Variants in SCHIP1 observed in about 807,000 individuals in gnomAD.
SCHIP1 encodes the protein schwannomin-interacting protein 1.
Under a neutral mutation model 29.7 loss-of-function variants are expected in SCHIP1, and 8 were observed. That is an observed-to-expected ratio of 0.27 (90% CI 0.16 to 0.49). SCHIP1 has a LOEUF of 0.49. SCHIP1 is among the 20% of genes least tolerant of loss of function. SCHIP1 has a pLI of 0.99. For synonymous variants in SCHIP1, 76 were observed against 94.9 expected, an observed-to-expected ratio of 0.80 and a Z score of 1.16; for missense variants, 193 against 294.6, an observed-to-expected ratio of 0.66 and a Z score of 2.52.
the SCHIP1 span, among the ~76,000 whole-genome samples, chr3:159,555,987 A>G: frequency 6.6e-6 from 1 of 152,216 alleles, no homozygotes; most frequent in South Asian, 2.1e-4. Flanking sequence ...TGATGGGTGC[A>G]GCAAACCACA....
the SCHIP1 span, among the ~76,000 whole-genome samples, chr3:159,582,159 G>A: frequency 6.6e-6 from 1 of 151,644 alleles, no homozygotes; most frequent in Admixed American, 6.6e-5. Flanking sequence ...GTTTGTTGTT[G>A]GGTTTTTTTG....
the SCHIP1 span, among the ~76,000 whole-genome samples, chr3:159,495,850 A>G: frequency 6.6e-6 from 1 of 152,224 alleles, no homozygotes; most frequent in African/African-American, 2.4e-5. Flanking sequence ...CTGACTTCAA[A>G]CTATACTACA....
chr3:159,835,897 G>GA (rs71664476), upstream of SCHIP1, among the ~76,000 whole-genome samples: 1,300 of 151,676 alleles, frequency 8.6e-3, 24 homozygotes, highest in African/African-American at 0.029. Flanking sequence ...TGCCACAATT[G>GA]AAAAAAAATG....
At chr3:159,473,104 A>G in the SCHIP1 span, among the ~76,000 whole-genome samples, 1 of 152,222 alleles carries the variant, frequency 6.6e-6, no homozygotes, top group Non-Finnish European at 1.5e-5. Flanking sequence ...CCAGATCCAT[A>G]TGAAACAGTT....
the SCHIP1 span, among the ~76,000 whole-genome samples, chr3:159,564,381 A>ATT: frequency 2.3e-4 from 33 of 145,702 alleles, no homozygotes; most frequent in African/African-American, 7.7e-4. Flanking sequence ...CGTTATCTTG[A>ATT]TTTTTTTTTT....
intron 2 of SCHIP1, among the ~76,000 whole-genome samples, chr3:159,875,489 G>A (rs1715707230): frequency 6.6e-6 from 1 of 152,178 alleles, no homozygotes; most frequent in South Asian, 2.1e-4. Flanking sequence ...ACAGCTGAAT[G>A]TTTAATTAAA....
the SCHIP1 span, among the ~76,000 whole-genome samples, chr3:159,390,422 T>C: frequency 1.3e-5 from 2 of 152,220 alleles, no homozygotes; most frequent in African/African-American, 4.8e-5. Flanking sequence ...CTGTTATACA[T>C]GAAAACAAGA....
At chr3:159,846,302 C>A (rs1337542256) in intron 1 of SCHIP1, among the ~76,000 whole-genome samples, 3 of 152,114 alleles carry the variant, frequency 2.0e-5, no homozygotes, top group Admixed American at 6.5e-5. Context: ...ATAAAAGACA[C>A]CCTGTGTTGC....
At chr3:159,408,899 G>T in the SCHIP1 span, among the ~76,000 whole-genome samples, 1 of 152,076 alleles carries the variant, frequency 6.6e-6, no homozygotes, top group Admixed American at 6.5e-5. Flanking sequence ...CACAATCCTA[G>T]CAAACCAAAT....
At chr3:159,313,167 A>G in the SCHIP1 span, among the ~76,000 whole-genome samples, 1 of 152,342 alleles carries the variant, frequency 6.6e-6, no homozygotes, top group East Asian at 1.9e-4. Flanking sequence ...AAGCTTCTTT[A>G]TCAGTGATTT....
chr3:159,421,193 T>C, the SCHIP1 span, among the ~76,000 whole-genome samples: 3 of 152,220 alleles, frequency 2.0e-5, no homozygotes, highest in African/African-American at 7.2e-5. Flanking sequence ...CCTTTTGATA[T>C]ACTATATAAT....
the SCHIP1 span, among the ~76,000 whole-genome samples, chr3:159,385,729 G>C: frequency 1.3e-5 from 2 of 152,090 alleles, no homozygotes; most frequent in African/African-American, 2.4e-5. Context: ...TATACTTTAA[G>C]TTCTGGGATA....
At chr3:159,742,789 T>C in the SCHIP1 span, among the ~76,000 whole-genome samples, 2 of 151,656 alleles carry the variant, frequency 1.3e-5, no homozygotes, top group Non-Finnish European at 2.9e-5. Context: ...TGCCTCAGCC[T>C]TCCAAGTAGC....
At chr3:159,610,001 C>T in the SCHIP1 span, among the ~76,000 whole-genome samples, 2 of 152,268 alleles carry the variant, frequency 1.3e-5, no homozygotes, top group Admixed American at 6.5e-5. Context: ...ATGCCACATA[C>T]TATACTAAGC....
At chr3:159,808,995 T>TTC in the SCHIP1 span, among the ~76,000 whole-genome samples, 6 of 150,798 alleles carry the variant, frequency 4.0e-5, no homozygotes, top group Admixed American at 2.6e-4. Flanking sequence ...CTTTTTTTTT[T>TTC]TTTTATTATA....
chr3:159,605,137 T>C, the SCHIP1 span, among the ~76,000 whole-genome samples: 7 of 152,226 alleles, frequency 4.6e-5, no homozygotes, highest in Admixed American at 4.6e-4. Flanking sequence ...TAGATGAGGC[T>C]GAAACCTGTA....
At chr3:159,773,286 T>C in the SCHIP1 span, among the ~76,000 whole-genome samples, 1 of 152,178 alleles carries the variant, frequency 6.6e-6, no homozygotes, top group Non-Finnish European at 1.5e-5. Context: ...AATTGTGAAA[T>C]TGAGCATTTT....
chr3:159,715,242 T>C, the SCHIP1 span, among the ~76,000 whole-genome samples: 1 of 152,126 alleles, frequency 6.6e-6, no homozygotes, highest in Admixed American at 6.5e-5. Context: ...ACCCCATCTA[T>C]ACATCACCAT....
At chr3:159,508,944 G>C in the SCHIP1 span, among the ~76,000 whole-genome samples, 3 of 152,202 alleles carry the variant, frequency 2.0e-5, no homozygotes, top group South Asian at 2.1e-4. Context: ...TGTATATTCT[G>C]TTGATTTGGG....
Sources: allele counts gnomAD v4.1 joint callset (sites outside exome capture counted in the v4.1 genomes callset), GRCh38; gene constraint gnomAD v4.1.1; transcripts MANE v1.5; gene names NCBI Gene and HGNC (gene_info 2026-07-23, HGNC 2026-07-21).